Variants in USP32 observed in about 807,000 individuals in gnomAD.
USP32 encodes the protein ubiquitin carboxyl-terminal hydrolase 32.
Under a neutral mutation model 204.8 loss-of-function variants are expected in USP32, and 59 were observed. The observed-to-expected ratio is 0.29, with a 90% confidence interval of 0.23 to 0.36. The LOEUF is 0.36. Among genes scored for constraint, USP32 ranks in the 10% least tolerant of loss-of-function variants. USP32 has a pLI of 1.00. For missense variants in USP32, 1,160 were observed against 1,946.4 expected, an observed-to-expected ratio of 0.60 and a Z score of 7.60; for synonymous variants, 517 against 678.4, an observed-to-expected ratio of 0.76 and a Z score of 3.70.
chr17:60,408,398 G>A (rs1472508722), intron 1 of USP32, among the ~76,000 whole-genome samples: 1 of 149,958 alleles, frequency 6.7e-6, no homozygotes, highest in Non-Finnish European at 1.5e-5. Context: ...TTTTTTTTGA[G>A]ACAGAGTCTC....
chr17:60,183,389 T>A lies in USP32; in HGVS notation c.3899A>T (p.Lys1300Ile). 10 of 1,613,550 alleles carry A rather than the reference T, an allele frequency of 6.2e-6. No homozygotes were observed. The highest frequency in any genetic ancestry group is 8.5e-6 in the Non-Finnish European group (10 of 1,179,672). Reference sequence around the variant, plus strand: ...TGGATCAAAACTTTCCCGAGGAAATTTGACAATTTTCTGTGATTTTATCCA... The same window carrying A: ...TGGATCAAAACTTTCCCGAGGAAATATGACAATTTTCTGTGATTTTATCCA... The part of the protein sequence containing the change: ...GRWIKSQKIV[K>I]FPRESFDPSA... Residue 1300 changes from lysine (K) to isoleucine (I), a missense_variant, in exon 31 of 34, where the codon AAA (lysine) becomes ATA (isoleucine). Around this residue, in one of 8 missense-constraint regions of USP32, gnomAD observed 160 missense variants for 322.5 expected, o/e 0.50. Coordinates refer to ENST00000300896, the MANE Select transcript of USP32 (RefSeq NM_032582.4).
chr17:60,272,958 G>A (rs80174765), intron 5 of USP32, among the ~76,000 whole-genome samples: 1,813 of 152,222 alleles, frequency 0.012, 38 homozygotes, highest in African/African-American at 0.042. Context: ...TACAAATGCC[G>A]GGAAATTTGT....
chr17:60,416,387 G>A (rs759067659), intron 1 of USP32, among the ~76,000 whole-genome samples: 18 of 152,218 alleles, frequency 1.2e-4, no homozygotes, highest in Admixed American at 1.3e-4. Flanking sequence ...TGAAACAGGC[G>A]TATGCCATCA....
At chr17:60,352,438 C>G (rs1291275557) in intron 1 of USP32, among the ~76,000 whole-genome samples, 4 of 152,130 alleles carry the variant, frequency 2.6e-5, no homozygotes, top group Non-Finnish European at 5.9e-5. Context: ...CCATATGACC[C>G]TTGGATATCC....
chr17:60,386,753 C>A lies in USP32; in HGVS notation c.58+5129G>T, dbSNP rs188649027. 3.9e-5 allele frequency among the ~76,000 whole-genome samples: 6 copies of A among 152,298 alleles called. No individual in the cohort carries two copies. In the East Asian group the frequency reaches 9.7e-4, roughly 25 times the overall value. ...GAGCTCACTAACCAGCAAGTGATGT[C>A]CCCTCATTTTGCTCATCCCCCAAAA... On this transcript the variant is annotated intron_variant, in intron 1 of 33. Transcript: ENST00000300896.
intron 3 of USP32, among the ~76,000 whole-genome samples, chr17:60,300,405 C>T (rs1377265177): frequency 6.6e-6 from 1 of 152,160 alleles, no homozygotes; most frequent in Non-Finnish European, 1.5e-5. Context: ...AGATTATCTT[C>T]CCTTTCACAT....
At chr17:60,346,504 A>G (rs1305064438) in intron 1 of USP32, among the ~76,000 whole-genome samples, 1 of 152,224 alleles carries the variant, frequency 6.6e-6, no homozygotes, top group Non-Finnish European at 1.5e-5. Context: ...ATTTAAAAAG[A>G]AAATAGTTCA....
At chr17:60,314,908 C>G (rs928648288) in intron 2 of USP32, among the ~76,000 whole-genome samples, 2 of 151,952 alleles carry the variant, frequency 1.3e-5, no homozygotes, top group Admixed American at 1.3e-4. Flanking sequence ...AGCCACAAGA[C>G]AACAGAAGAA....
chr17:60,318,011 A>C (rs1441651257), intron 2 of USP32, among the ~76,000 whole-genome samples: 1 of 152,212 alleles, frequency 6.6e-6, no homozygotes, highest in African/African-American at 2.4e-5. Flanking sequence ...AACAAACAAA[A>C]AAAACAGCCA....
At chr17:60,375,553 T>C (rs993966373) in intron 1 of USP32, among the ~76,000 whole-genome samples, 9 of 152,282 alleles carry the variant, frequency 5.9e-5, no homozygotes, top group African/African-American at 2.2e-4. Context: ...AAACAATACA[T>C]ACTAAATTAT....
chr17:60,351,164 G>A (rs988648569), intron 1 of USP32, among the ~76,000 whole-genome samples: 3 of 152,048 alleles, frequency 2.0e-5, no homozygotes, highest in African/African-American at 7.2e-5. Flanking sequence ...AAAAAATAGA[G>A]ATTGGTTCAA....
intron 12 of USP32, among the ~76,000 whole-genome samples, chr17:60,230,893 T>C (rs1222561288): frequency 1.3e-5 from 2 of 152,216 alleles, no homozygotes; most frequent in African/African-American, 4.8e-5. Context: ...TTTTTGACTG[T>C]TCATTTCTGG....
chr17:60,260,294 G>A (rs2086420286), intron 9 of USP32, among the ~76,000 whole-genome samples: 1 of 152,140 alleles, frequency 6.6e-6, no homozygotes, highest in South Asian at 2.1e-4. Context: ...GCTGAGGCAG[G>A]TGGATCACCT....
intron 4 of USP32, among the ~76,000 whole-genome samples, chr17:60,291,848 C>G (rs1016880274): frequency 6.6e-6 from 1 of 151,912 alleles, no homozygotes; most frequent in African/African-American, 2.4e-5. Context: ...TTAAAAACAC[C>G]ACCAACTCAG....
At chr17:60,406,481 T>C (rs1392647663) in intron 1 of USP32, among the ~76,000 whole-genome samples, 2 of 152,034 alleles carry the variant, frequency 1.3e-5, no homozygotes, top group East Asian at 3.9e-4. Context: ...ACCTGGCCCA[T>C]TATTCTGAAA....
At chr17:60,407,899 A>T (rs944987737) in intron 1 of USP32, among the ~76,000 whole-genome samples, 1 of 151,726 alleles carries the variant, frequency 6.6e-6, no homozygotes, top group African/African-American at 2.4e-5. Flanking sequence ...GGAGTTCGAG[A>T]CCAGCCTGGC....
intron 1 of USP32, chr17:60,421,709 C>T (rs1217106891): frequency 1.2e-6 from 1 of 808,124 alleles, no homozygotes; most frequent in African/African-American, 1.9e-5. Context: ...CCTCCCGGCC[C>T]TGCCCGGCCA....
At chr17:60,418,012 G>A (rs1296926875) in intron 1 of USP32, among the ~76,000 whole-genome samples, 1 of 149,288 alleles carries the variant, frequency 6.7e-6, no homozygotes, top group Non-Finnish European at 1.5e-5. Flanking sequence ...AGGCTGGAGT[G>A]CAATGGCACG....
At chr17:60,299,557 T>C (rs1160344859) in intron 3 of USP32, among the ~76,000 whole-genome samples, 1 of 152,246 alleles carries the variant, frequency 6.6e-6, no homozygotes, top group Non-Finnish European at 1.5e-5. Context: ...GGACCCCTCA[T>C]GATCTAATCA....
Sources: allele counts gnomAD v4.1 joint callset (sites outside exome capture counted in the v4.1 genomes callset), GRCh38; gene constraint gnomAD v4.1.1; regional missense constraint gnomAD v4.1.1; transcripts MANE v1.5; gene names NCBI Gene and HGNC (gene_info 2026-07-23, HGNC 2026-07-21).